Variants in SMAD3 observed in about 807,000 individuals in gnomAD.
The protein encoded by SMAD3 is SMAD family member 3.
SMAD3 carries 12 observed loss-of-function variants against 51.8 expected under a neutral mutation model. The observed-to-expected ratio is 0.23, with a 90% CI of 0.15 to 0.38. The LOEUF (loss-of-function observed/expected upper bound fraction) is 0.38, where lower values mean the gene tolerates loss of function less well. Among genes scored for constraint, SMAD3 ranks in the 10% least tolerant of loss-of-function variants. The pLI is 1.00. For synonymous variants in SMAD3, 238 were observed against 227.7 expected (o/e 1.05, Z -0.41); for missense variants, 294 against 565.6 (o/e 0.52, Z 4.87).
At chr15:67,070,364 G>A (rs980045953) in intron 1 of SMAD3, among the ~76,000 whole-genome samples, 17 of 152,122 alleles carry the variant, frequency 1.1e-4, no homozygotes, top group Non-Finnish European at 2.4e-4. Flanking sequence ...GAACCTAGGC[G>A]CCACTTGACG....
rs185982924 is a variant in SMAD3, at chr15:67,097,229, T to G, written c.206+30869T>G. On this transcript the variant is annotated intron_variant, in intron 1 of 8. Coordinates refer to ENST00000327367, the MANE Select transcript of SMAD3 (RefSeq NM_005902.4). ...TTTTTGTTTGTTTGTTTTTTGTTTT[T>G]GTAGGGGACAGGTTCTTCCTCCACC... Among the ~76,000 whole-genome samples the G allele has an allele frequency of 4.5e-4, 68 of 152,240 alleles. 1 individual carries two copies. The highest frequency in any genetic ancestry group is 1.6e-3 in the African/African-American group (67 of 41,532).
rs1960172339 is a variant in SMAD3, at chr15:67,076,448, GT to G, written c.206+10095del. Among the ~76,000 whole-genome samples the G allele has an allele frequency of 2.0e-5, 3 of 152,170 alleles. No individual in the cohort carries two copies. The South Asian group carries it at 6.2e-4, about 32-fold the overall frequency. On this transcript the variant is annotated intron_variant, in intron 1 of 8. Coordinates refer to ENST00000327367, the MANE Select transcript of SMAD3 (RefSeq NM_005902.4). The stretch of plus-strand genomic sequence containing the variant: ...GTGCATGATGTTTATTGTTGCTGGT[GT>G]TTTTTTGAGGCCCAAGTTGGAATGC...
intron 1 of SMAD3, among the ~76,000 whole-genome samples, chr15:67,082,995 G>A (rs1960310402): frequency 6.6e-6 from 1 of 152,236 alleles, no homozygotes; most frequent in Non-Finnish European, 1.5e-5. Context: ...GGGCACTCCA[G>A]TAAATACGTA....
Position 67,190,772 on chromosome 15 carries a change from A to G in SMAD3, c.*236A>G, listed in dbSNP as rs2055139426. The G allele has an allele frequency of 3.4e-6, 2 of 580,536 alleles. No homozygotes were observed. The highest frequency in any genetic ancestry group is 3.7e-5 in the African/African-American group (2 of 53,646). The allele number at this position is 580,536 out of a possible 1,614,324, so 36.0% of individuals were successfully genotyped here. A position where few individuals can be genotyped will look rare whatever the true frequency, so the allele number is the denominator to read the frequency against. On this transcript the variant is annotated 3_prime_UTR_variant, in exon 9 of 9. Transcript: ENST00000327367. ...CTTTGGCCCCACTTTGAAGGGCAAGAAATGGCGTCTGCTCTGGTGGCTTAA... is the reference window on the plus strand; with the variant it reads ...CTTTGGCCCCACTTTGAAGGGCAAGGAATGGCGTCTGCTCTGGTGGCTTAA...
chr15:67,104,114 A>G (rs1960823497), intron 1 of SMAD3, among the ~76,000 whole-genome samples: 1 of 152,054 alleles, frequency 6.6e-6, no homozygotes, highest in Non-Finnish European at 1.5e-5. Flanking sequence ...GACAGATAAG[A>G]TCGGATTTCA....
intron 1 of SMAD3, among the ~76,000 whole-genome samples, chr15:67,143,649 G>A (rs1267211535): frequency 6.6e-6 from 1 of 152,202 alleles, no homozygotes; most frequent in African/African-American, 2.4e-5. Flanking sequence ...GACCAGGCTG[G>A]TCTTGAACTC....
At position 67,194,053 on chromosome 15, in the gene SMAD3, T is replaced by TC; in HGVS notation, c.*3518dup. On this transcript the variant is annotated 3_prime_UTR_variant, in exon 9 of 9. Transcript: ENST00000327367. ...ATCTGCAGGCTGCTTGTAGGACTGT[T>TC]CACCAAGGGGGATACCAGCAGCAAG... The TC allele has an allele frequency of 4.3e-6, 1 of 233,188 alleles. No homozygotes were observed. The allele number at this position is 233,188 out of a possible 1,614,324, so 14.4% of individuals were successfully genotyped here. A position where few individuals can be genotyped will look rare whatever the true frequency, so the allele number is the denominator to read the frequency against.
intron 1 of SMAD3, among the ~76,000 whole-genome samples, chr15:67,092,526 G>A (rs777761212): frequency 9.2e-5 from 14 of 152,172 alleles, no homozygotes. Flanking sequence ...CCTGAGGGCG[G>A]TCCCAGCAGT....
chr15:67,126,777 G>A (rs981407256), intron 1 of SMAD3, among the ~76,000 whole-genome samples: 1 of 152,202 alleles, frequency 6.6e-6, no homozygotes, highest in African/African-American at 2.4e-5. Context: ...GGAGAGCTCC[G>A]ACAGTAGAGT....
intron 1 of SMAD3, among the ~76,000 whole-genome samples, chr15:67,100,951 A>G (rs1186020819): frequency 6.6e-6 from 1 of 152,152 alleles, no homozygotes; most frequent in Non-Finnish European, 1.5e-5. Flanking sequence ...GTCTTTGGGT[A>G]TGTTCTGGGT....
intron 1 of SMAD3, among the ~76,000 whole-genome samples, chr15:67,156,634 T>C (rs1350577792): frequency 6.6e-6 from 1 of 152,256 alleles, no homozygotes; most frequent in African/African-American, 2.4e-5. Flanking sequence ...ATCAGTCAGC[T>C]AGTGTTGCGT....
At chr15:67,107,972 C>CG (rs398118954) in intron 1 of SMAD3, among the ~76,000 whole-genome samples, 2 of 138,820 alleles carry the variant, frequency 1.4e-5, no homozygotes, top group African/African-American at 2.6e-5. Context: ...CTCTCCCCCC[C>CG]ACCCCCCCAC....
intron 1 of SMAD3, among the ~76,000 whole-genome samples, chr15:67,118,590 A>G (rs1468241909): frequency 6.6e-6 from 1 of 152,240 alleles, no homozygotes; most frequent in African/African-American, 2.4e-5. Context: ...AGCTCTGCTT[A>G]GAAAAAATGC....
rs1398870694 is a variant in SMAD3 at position 67,099,003 on chromosome 15, G to A, written c.206+32643G>A. The A allele has an allele frequency of 2.7e-5, 19 of 702,294 alleles. No homozygotes were observed. The Admixed American group carries it at 3.6e-4, about 13-fold the overall frequency. The allele number at this position is 702,294 out of a possible 1,614,324, so 43.5% of individuals were successfully genotyped here. On this transcript the variant is annotated intron_variant, in intron 1 of 8. Coordinates refer to ENST00000327367, the MANE Select transcript of SMAD3 (RefSeq NM_005902.4). ...GCCCCAAACTGTGGACAGAGCGTAT[G>A]TCCTGAGCGAGGATCAACTCTGTGA... is the stretch of plus-strand genomic sequence containing the variant.
At chr15:67,182,992 AAAAAAAAAATAT>A (rs1286674896) in intron 6 of SMAD3, among the ~76,000 whole-genome samples, 1 of 50,658 alleles carries the variant, frequency 2.0e-5, no homozygotes, top group East Asian at 1.0e-3. Flanking sequence ...TTATTAAAAA[AAAAAAAAAATAT>A]ATATATATAT....
intron 3 of SMAD3, chr15:67,166,012 C>T (rs1962578304): frequency 5.0e-6 from 1 of 198,220 alleles, no homozygotes; most frequent in Non-Finnish European, 9.4e-6. Context: ...CTTTTGCTTG[C>T]TGGGGCAGTA....
At chr15:67,086,245 G>T (rs1960390577) in intron 1 of SMAD3, among the ~76,000 whole-genome samples, 1 of 152,156 alleles carries the variant, frequency 6.6e-6, no homozygotes, top group South Asian at 2.1e-4. Flanking sequence ...TCTAGGGGCT[G>T]TGAAGGCTGT....
chr15:67,074,848 C>T, intron 1 of SMAD3, among the ~76,000 whole-genome samples: 1 of 152,168 alleles, frequency 6.6e-6, no homozygotes, highest in East Asian at 1.9e-4. Flanking sequence ...CGCCACCATG[C>T]CCAGCTAATT....
chr15:67,073,688 T>G (rs1960106202), intron 1 of SMAD3, among the ~76,000 whole-genome samples: 1 of 144,328 alleles, frequency 6.9e-6, no homozygotes, highest in African/African-American at 2.6e-5. Flanking sequence ...TTATTTTATT[T>G]TTTGAGATGG....
Sources: gnomAD v4.1 joint callset for allele counts (sites outside exome capture counted in the v4.1 genomes callset) on GRCh38, gnomAD v4.1.1 for gene constraint, MANE v1.5 for transcripts, NCBI Gene and HGNC (gene_info 2026-07-23, HGNC 2026-07-21) for gene names.